Variants in GRM1 observed in about 807,000 individuals in gnomAD.
GRM1 encodes metabotropic glutamate receptor 1.
GRM1 carries 33 observed loss-of-function variants against 90.9 expected under a neutral mutation model. The ratio of observed to expected loss-of-function variants is 0.36; its 90% CI spans 0.28 to 0.49. GRM1 has a LOEUF of 0.49. Ranked by LOEUF, GRM1 falls within the 20% of genes least tolerant of loss-of-function variation. GRM1 has a pLI of 0.99. For missense variants in GRM1, 1,190 were observed against 1,534.3 expected (o/e 0.78, Z 3.75); for synonymous variants, 700 against 613.2 (o/e 1.14, Z -2.09).
chr6:146,096,377 G>C (rs1231703711), intron 1 of GRM1, among the ~76,000 whole-genome samples: 2 of 152,156 alleles, frequency 1.3e-5, no homozygotes, highest in African/African-American at 4.8e-5. Context: ...GCCTAAGTAA[G>C]AGGAAGGGAC....
intron 2 of GRM1, among the ~76,000 whole-genome samples, chr6:146,215,755 A>G: frequency 6.8e-6 from 1 of 147,678 alleles, no homozygotes; most frequent in East Asian, 1.9e-4. Flanking sequence ...GTGTATCCAC[A>G]AACTTTTTTT....
intron 2 of GRM1, among the ~76,000 whole-genome samples, chr6:146,220,323 A>G (rs1780018666): frequency 6.6e-6 from 1 of 152,150 alleles, no homozygotes; most frequent in African/African-American, 2.4e-5. Flanking sequence ...GCCAAAAGTC[A>G]CTTTATTTTT....
chr6:146,321,569 G>C (rs1374583787), intron 3 of GRM1, among the ~76,000 whole-genome samples: 1 of 151,228 alleles, frequency 6.6e-6, no homozygotes, highest in African/African-American at 2.4e-5. Flanking sequence ...ACAGTGGGGT[G>C]TTAAATCTCC....
At chr6:146,072,193 A>G (rs1432486050) in intron 1 of GRM1, among the ~76,000 whole-genome samples, 1 of 152,204 alleles carries the variant, frequency 6.6e-6, no homozygotes, top group Non-Finnish European at 1.5e-5. Context: ...GGACAAGAAT[A>G]CACCCTGAGC....
In GRM1 at chr6:146,201,990, C is replaced by A. The variant is rs149987756; in HGVS notation, c.950+42393C>A. ...GAAGCTAATGCTGAACATGACTTAG[C>A]AGGTTATTGTTAATGAAGGACCCTG... On this transcript the variant is annotated intron_variant, in intron 2 of 7. Coordinates refer to ENST00000282753, the MANE Select transcript of GRM1 (RefSeq NM_001278064.2). 2.8e-3 allele frequency among the ~76,000 whole-genome samples: 430 copies of A among 152,250 alleles called. 3 individuals are homozygous for A. Among genetic ancestry groups the A allele is most frequent in the African/African-American group, 9.6e-3 (397 of 41,546 alleles).
intron 7 of GRM1, among the ~76,000 whole-genome samples, chr6:146,410,520 A>G (rs1250371445): frequency 6.6e-6 from 1 of 152,174 alleles, no homozygotes; most frequent in Non-Finnish European, 1.5e-5. Context: ...GAATACCAGC[A>G]AGAAACCTGG....
At chr6:146,366,693 A>G (rs955165686) in intron 5 of GRM1, among the ~76,000 whole-genome samples, 12 of 152,116 alleles carry the variant, frequency 7.9e-5, no homozygotes, top group South Asian at 2.1e-4. Context: ...GGCCATTTGT[A>G]TATCTTCTTT....
chr6:146,270,703 G>A (rs1322648332), intron 2 of GRM1, among the ~76,000 whole-genome samples: 1 of 152,094 alleles, frequency 6.6e-6, no homozygotes, highest in Non-Finnish European at 1.5e-5. Context: ...AAACCACTTG[G>A]AAATTGAAAC....
chr6:146,159,712 C>G (rs1255330219), intron 2 of GRM1, 115 bp downstream of exon 2: 16 of 1,001,990 alleles, frequency 1.6e-5, no homozygotes, highest in Non-Finnish European at 2.2e-5. Context: ...CTTGCTAACT[C>G]CAAAGTGGGA....
rs879272085 is a variant in GRM1 at position 146,213,725 on chromosome 6, T to TAGAG, written c.950+54131_950+54132insGAGA. ...ATAGATAGATAGATAGATAGATAGA[T>TAGAG]AGATAGATAGATGGATGAAAGGAGA... On this transcript the variant is annotated intron_variant, in intron 2 of 7. Coordinates refer to ENST00000282753, the MANE Select transcript of GRM1 (RefSeq NM_001278064.2). Among the ~76,000 whole-genome samples, 614 of 150,594 alleles carry TAGAG rather than the reference T, an allele frequency of 4.1e-3. 1 individual carries two copies. Among genetic ancestry groups the TAGAG allele is most frequent in the East Asian group, 5.2e-3 (27 of 5,150 alleles).
At chr6:146,309,780 A>G (rs1233310178) in intron 3 of GRM1, among the ~76,000 whole-genome samples, 1 of 152,148 alleles carries the variant, frequency 6.6e-6, no homozygotes, top group African/African-American at 2.4e-5. Context: ...GTTCCTTTAC[A>G]GTAGATTCCT....
intron 3 of GRM1, among the ~76,000 whole-genome samples, chr6:146,328,305 C>A (rs1297790595): frequency 6.6e-6 from 1 of 152,140 alleles, no homozygotes; most frequent in Non-Finnish European, 1.5e-5. Flanking sequence ...CACACACACA[C>A]ATATACACAC....
chr6:146,135,705 T>C (rs1398787001), intron 1 of GRM1, among the ~76,000 whole-genome samples: 1 of 152,198 alleles, frequency 6.6e-6, no homozygotes, highest in Non-Finnish European at 1.5e-5. Context: ...ATAAGATATT[T>C]TGAAAGAGGC....
At chr6:146,404,658 G>A (rs991287548) in intron 7 of GRM1, among the ~76,000 whole-genome samples, 1 of 152,180 alleles carries the variant, frequency 6.6e-6, no homozygotes, top group Non-Finnish European at 1.5e-5. Context: ...TTCATGCCAC[G>A]ATGTAGAGTT....
chr6:146,343,839 G>A lies in GRM1; in HGVS notation c.1187-8411G>A, dbSNP rs137924556. Among the ~76,000 whole-genome samples, 348 of 152,030 alleles carry A rather than the reference G, an allele frequency of 2.3e-3. 1 individual carries two copies. The highest frequency in any genetic ancestry group is 7.8e-3 in the African/African-American group (325 of 41,472). ...CTACCAAGTGCTCTAGGCTCATCTTGTATATTTCCTTCACCTGCACTACAC... is the reference window on the plus strand; with the variant it reads ...CTACCAAGTGCTCTAGGCTCATCTTATATATTTCCTTCACCTGCACTACAC... On this transcript the variant is annotated intron_variant, in intron 3 of 7. Coordinates refer to ENST00000282753, the MANE Select transcript of GRM1 (RefSeq NM_001278064.2).
At chr6:146,035,499 C>A (rs1383961891) in intron 1 of GRM1, among the ~76,000 whole-genome samples, 1 of 151,978 alleles carries the variant, frequency 6.6e-6, no homozygotes, top group Admixed American at 6.6e-5. Context: ...TAGCTGTCTA[C>A]TTTATACTTG....
chr6:146,323,951 A>G (rs1466596674), intron 3 of GRM1, among the ~76,000 whole-genome samples: 1 of 152,072 alleles, frequency 6.6e-6, no homozygotes, highest in African/African-American at 2.4e-5. Flanking sequence ...ATTGGTCTAT[A>G]TCTCTGTTTT....
rs370388789 is a variant in GRM1, at chr6:146,188,086, ATTAAT to A, written c.950+28492_950+28496del. Among the ~76,000 whole-genome samples, 815 of 152,244 alleles carry A rather than the reference ATTAAT, an allele frequency of 5.4e-3. 6 individuals carry two copies. The highest frequency in any genetic ancestry group is 0.019 in the African/African-American group (783 of 41,546). On this transcript the variant is annotated intron_variant, in intron 2 of 7. Coordinates refer to ENST00000282753, the MANE Select transcript of GRM1 (RefSeq NM_001278064.2). ...GTCATTTAAAGTGTTTCAAAAAAGG[ATTAAT>A]TTTTCTCTTACAGCTACCATACATT...
At chr6:146,368,661 G>A (rs1293470436) in intron 5 of GRM1, among the ~76,000 whole-genome samples, 2 of 151,716 alleles carry the variant, frequency 1.3e-5, no homozygotes, top group African/African-American at 4.8e-5. Context: ...TTATGTTGAT[G>A]TGGTATTAAA....
Sources: allele counts gnomAD v4.1 joint callset (sites outside exome capture counted in the v4.1 genomes callset), GRCh38; gene constraint gnomAD v4.1.1; transcripts MANE v1.5; gene names NCBI Gene and HGNC (gene_info 2026-07-23, HGNC 2026-07-21).